The following CNTNAP2 variants were observed in gnomAD, a reference collection of about 807,000 sequenced individuals.
CNTNAP2 encodes the protein contactin associated protein 2.
CNTNAP2 carries 98 observed loss-of-function variants against 155.2 expected under a neutral mutation model. The observed-to-expected ratio is 0.63, with a 90% CI of 0.54 to 0.75. The LOEUF is 0.75. CNTNAP2 is among the 30% of genes least tolerant of loss of function. CNTNAP2 has a pLI of 0.00. For synonymous variants in CNTNAP2, 651 were observed against 631.2 expected (o/e 1.03, Z -0.47); for missense variants, 1,727 against 1,688.1 (o/e 1.02, Z -0.40).
At chr7:146,211,304 G>A (rs1799031207) in intron 1 of CNTNAP2, among the ~76,000 whole-genome samples, 1 of 152,084 alleles carries the variant, frequency 6.6e-6, no homozygotes, top group South Asian at 2.1e-4. Context: ...CGGCAATTTC[G>A]AAAGAGGTGT....
At chr7:147,652,965 A>G (rs985214067) in intron 13 of CNTNAP2, among the ~76,000 whole-genome samples, 1 of 152,130 alleles carries the variant, frequency 6.6e-6, no homozygotes, top group Non-Finnish European at 1.5e-5. Context: ...CTACCTTTTT[A>G]TGTTTTTTCA....
At position 147,351,937 on chromosome 7, in the gene CNTNAP2, G is replaced by C. The variant is rs142071574; in HGVS notation, c.1499-43672G>C. 1.8e-3 allele frequency among the ~76,000 whole-genome samples: 274 copies of C among 151,958 alleles called. 3 individuals carry two copies. The highest frequency in any genetic ancestry group is 2.2e-4 in the Non-Finnish European group (15 of 67,822). ...GTGAAAATCTTCTTTCAATGGCCGT[G>C]AATAAATCTCCTTTAAAGACATTAT... On this transcript the variant is annotated intron_variant, in intron 9 of 23. Transcript: ENST00000361727.
At chr7:148,058,780 TTTTG>T (rs1455269770) in intron 15 of CNTNAP2, among the ~76,000 whole-genome samples, 1 of 152,138 alleles carries the variant, frequency 6.6e-6, no homozygotes, top group African/African-American at 2.4e-5. Context: ...TAGAATAGTT[TTTTG>T]TTTGTTTGTT....
chr7:147,331,990 C>G (rs556040062), intron 9 of CNTNAP2, among the ~76,000 whole-genome samples: 2 of 152,304 alleles, frequency 1.3e-5, no homozygotes, highest in African/African-American at 4.8e-5. Flanking sequence ...AAAAGCTGTT[C>G]TCAGCTGCCC....
intron 8 of CNTNAP2, among the ~76,000 whole-genome samples, chr7:147,257,909 A>G (rs191894491): frequency 1.8e-4 from 27 of 152,334 alleles, no homozygotes; most frequent in Middle Eastern, 6.8e-3. Context: ...GCATCGTTTC[A>G]GTATTGAACA....
At chr7:147,827,553 C>T (rs182184873) in intron 13 of CNTNAP2, among the ~76,000 whole-genome samples, 5 of 152,226 alleles carry the variant, frequency 3.3e-5, no homozygotes, top group East Asian at 3.9e-4. Flanking sequence ...GGGATATCCT[C>T]GGTGTATTTG....
intron 8 of CNTNAP2, among the ~76,000 whole-genome samples, chr7:147,134,377 AAG>A (rs1447736144): frequency 1.3e-5 from 2 of 152,096 alleles, no homozygotes; most frequent in East Asian, 3.9e-4. Context: ...AAATGGACTG[AAG>A]AGTTTTTGTC....
chr7:147,719,878 A>G (rs558700007), intron 13 of CNTNAP2, among the ~76,000 whole-genome samples: 14 of 151,988 alleles, frequency 9.2e-5, no homozygotes, highest in African/African-American at 2.9e-4. Flanking sequence ...TTTATTTTCC[A>G]TGTCCTTTAC....
At chr7:147,549,326 A>G (rs915780064) in intron 11 of CNTNAP2, among the ~76,000 whole-genome samples, 6 of 152,054 alleles carry the variant, frequency 3.9e-5, no homozygotes, top group Non-Finnish European at 7.4e-5. Context: ...CGTCCCTTGT[A>G]AGTTGTATTC....
chr7:147,335,847 G>A (rs1178619182), intron 9 of CNTNAP2, among the ~76,000 whole-genome samples: 2 of 149,410 alleles, frequency 1.3e-5, no homozygotes, highest in Non-Finnish European at 3.0e-5. Context: ...AATATCTGAA[G>A]GTCATTGCTG....
At chr7:148,260,892 T>G (rs1796547330) in intron 20 of CNTNAP2, among the ~76,000 whole-genome samples, 1 of 152,144 alleles carries the variant, frequency 6.6e-6, no homozygotes. Flanking sequence ...CAGGCCTAAG[T>G]GCTTATGCAA....
Position 148,383,847 on chromosome 7 carries a change from C to T in CNTNAP2, c.3674C>T (p.Ser1225Leu), listed in dbSNP as rs147706292. ...TCGCCGCTGACCCTCTCCCCCATGT[C>T]GTCCGCCACCGACCCCTGGCACCTG... ...GASPLTLSPM[S>L]SATDPWHLDH... is the part of the protein sequence containing the mutation. The change falls in exon 22 of 24, where the codon TCG becomes TTG. Residue 1225 changes from serine (S) to leucine (L), a missense_variant. Ser to Leu is a moderately radical substitution (Grantham distance 145). Coordinates refer to ENST00000361727, the MANE Select transcript of CNTNAP2 (RefSeq NM_014141.6). 6.2e-7 allele frequency: 1 copy of T among 1,614,006 alleles called. No individual in the cohort carries two copies. Among genetic ancestry groups the T allele is most frequent in the Middle Eastern group, 1.6e-4 (1 of 6,062 alleles).
At chr7:147,548,737 T>C (rs773018499) in intron 11 of CNTNAP2, among the ~76,000 whole-genome samples, 2 of 152,216 alleles carry the variant, frequency 1.3e-5, no homozygotes, top group Admixed American at 1.3e-4. Flanking sequence ...TTTATGATTT[T>C]GGGTTTTAAA....
chr7:146,136,373 A>G (rs775976249), intron 1 of CNTNAP2, among the ~76,000 whole-genome samples: 4 of 152,178 alleles, frequency 2.6e-5, no homozygotes, highest in Admixed American at 1.3e-4. Context: ...CTTTTCTATG[A>G]TAATGGACTC....
intron 3 of CNTNAP2, among the ~76,000 whole-genome samples, chr7:146,902,739 C>CA (rs1317325963): frequency 9.8e-5 from 15 of 152,334 alleles, no homozygotes; most frequent in South Asian, 6.2e-4. Flanking sequence ...TGTTCCGTCT[C>CA]ATGAGCTGCT....
chr7:147,113,415 A>G (rs997601593), intron 5 of CNTNAP2, among the ~76,000 whole-genome samples: 1 of 152,028 alleles, frequency 6.6e-6, no homozygotes, highest in South Asian at 2.1e-4. Context: ...CACTGGTATA[A>G]AGAACTGCCC....
chr7:146,163,988 A>G (rs1798273342), intron 1 of CNTNAP2, among the ~76,000 whole-genome samples: 1 of 152,130 alleles, frequency 6.6e-6, no homozygotes. Context: ...CTTTCTCTGA[A>G]AATAAAAATC....
intron 18 of CNTNAP2, among the ~76,000 whole-genome samples, chr7:148,205,115 G>A (rs1048080638): frequency 2.6e-5 from 4 of 152,156 alleles, no homozygotes; most frequent in Non-Finnish European, 5.9e-5. Context: ...CTAAAACCGC[G>A]AATTAAAATG....
At chr7:147,628,019 T>C (rs1434350284) in intron 12 of CNTNAP2, among the ~76,000 whole-genome samples, 1 of 151,814 alleles carries the variant, frequency 6.6e-6, no homozygotes, top group African/African-American at 2.4e-5. Flanking sequence ...GTTGGTTTTC[T>C]GGAGGAAGAA....
Sources: allele counts gnomAD v4.1 joint callset (sites outside exome capture counted in the v4.1 genomes callset), GRCh38; gene constraint gnomAD v4.1.1; transcripts MANE v1.5; gene names NCBI Gene and HGNC (gene_info 2026-07-23, HGNC 2026-07-21).